The following RBFOX3 variants were observed in gnomAD, a reference collection of about 807,000 sequenced individuals.
RBFOX3 encodes the protein RNA binding protein fox-1 homolog 3.
Under a neutral mutation model 48.7 loss-of-function variants are expected in RBFOX3, and 17 were observed. The ratio of observed to expected loss-of-function variants is 0.35; its 90% CI spans 0.24 to 0.52. RBFOX3 has a LOEUF of 0.52. Ranked by LOEUF, RBFOX3 falls within the 20% of genes least tolerant of loss-of-function variation. The pLI is 0.94. For synonymous variants in RBFOX3, 212 were observed against 209.5 expected (o/e 1.01, Z -0.10); for missense variants, 382 against 497.5 (o/e 0.77, Z 2.21).
chr17:79,386,019 T>C (rs1378627302), intron 2 of RBFOX3, among the ~76,000 whole-genome samples: 3 of 140,610 alleles, frequency 2.1e-5, no homozygotes, highest in Non-Finnish European at 4.5e-5. Flanking sequence ...TTACTTCCTA[T>C]AACAGATGGG....
At chr17:79,450,809 T>C (rs1555741180) in intron 2 of RBFOX3, among the ~76,000 whole-genome samples, 2 of 152,172 alleles carry the variant, frequency 1.3e-5, no homozygotes, top group South Asian at 2.1e-4. Context: ...AATAGCACTG[T>C]GCAAGGTGCT....
intron 2 of RBFOX3, among the ~76,000 whole-genome samples, chr17:79,310,613 C>T (rs1281668403): frequency 7.9e-5 from 12 of 152,132 alleles, no homozygotes; most frequent in Admixed American, 7.2e-4. Flanking sequence ...CGAGGTGGAG[C>T]TCCTGCAGGC....
chr17:79,532,738 A>G (rs1165462553), intron 1 of RBFOX3, among the ~76,000 whole-genome samples: 1 of 152,244 alleles, frequency 6.6e-6, no homozygotes, highest in African/African-American at 2.4e-5. Context: ...TCACATCGCC[A>G]GCATAGTACT....
intron 4 of RBFOX3, among the ~76,000 whole-genome samples, chr17:79,179,354 G>A (rs1021557438): frequency 9.2e-5 from 14 of 152,194 alleles, no homozygotes; most frequent in African/African-American, 2.4e-4. Flanking sequence ...GAAGCCGCTC[G>A]GAAACGCCGC....
At chr17:79,332,236 C>T (rs1355723671) in intron 2 of RBFOX3, among the ~76,000 whole-genome samples, 2 of 152,208 alleles carry the variant, frequency 1.3e-5, no homozygotes, top group Non-Finnish European at 2.9e-5. Flanking sequence ...GAGATCACTC[C>T]AGGCCCTCAG....
intron 1 of RBFOX3, among the ~76,000 whole-genome samples, chr17:79,512,173 G>A (rs377457591): frequency 0.24 from 31,183 of 127,454 alleles, 5,187 homozygotes; most frequent in Non-Finnish European, 0.28. Context: ...ACACCCACCC[G>A]GATACATGTT....
intron 1 of RBFOX3, among the ~76,000 whole-genome samples, chr17:79,485,819 G>A (rs960051375): frequency 6.6e-6 from 1 of 152,218 alleles, no homozygotes; most frequent in African/African-American, 2.4e-5. Context: ...CTCCTCTGCC[G>A]CCGGCTAGGC....
intron 4 of RBFOX3, among the ~76,000 whole-genome samples, chr17:79,221,566 G>A (rs1471968120): frequency 6.6e-6 from 1 of 152,224 alleles, no homozygotes; most frequent in Admixed American, 6.5e-5. Flanking sequence ...TCCCTGGAGG[G>A]TAACTTGGGT....
intron 4 of RBFOX3, among the ~76,000 whole-genome samples, chr17:79,213,176 G>A (rs2058599731): frequency 6.6e-6 from 1 of 152,128 alleles, no homozygotes; most frequent in African/African-American, 2.4e-5. Context: ...ATATTTTAAT[G>A]ACAATGAAAA....
At chr17:79,131,132 G>A (rs1177175153) in intron 4 of RBFOX3, among the ~76,000 whole-genome samples, 1 of 151,008 alleles carries the variant, frequency 6.6e-6, no homozygotes, top group Admixed American at 6.6e-5. Context: ...TGTGTGCTGT[G>A]TGACCCGTGT....
chr17:79,194,951 A>C (rs2055282376), intron 4 of RBFOX3, among the ~76,000 whole-genome samples: 1 of 151,688 alleles, frequency 6.6e-6, no homozygotes, highest in South Asian at 2.1e-4. Context: ...GTGCTGAAGA[A>C]TTAAGCATTT....
chr17:79,363,648 C>T lies in RBFOX3; in HGVS notation c.-174-55824G>A, dbSNP rs2057315685. On this transcript the variant is annotated intron_variant, in intron 2 of 14. Coordinates refer to ENST00000693108, the MANE Select transcript of RBFOX3 (RefSeq NM_001350451.2). The surrounding 1 kb of genome is among the most constrained non-coding windows in gnomAD (Gnocchi z 4.7). ...TCGAAGATCTAGGGCCTTCGATTCC[C>T]TCCTTTCCTTGATGCCAGTATCCAG... 6.6e-6 allele frequency among the ~76,000 whole-genome samples: 1 copy of T among 152,018 alleles called. No homozygotes were observed. The highest frequency in any genetic ancestry group is 2.4e-5 in the African/African-American group (1 of 41,372).
At chr17:79,334,528 G>A (rs1030024175) in intron 2 of RBFOX3, among the ~76,000 whole-genome samples, 1 of 152,152 alleles carries the variant, frequency 6.6e-6, no homozygotes, top group African/African-American at 2.4e-5. Context: ...CCTAGAGATG[G>A]GCTTCTTAAC....
chr17:79,282,579 C>T (rs2070813658), intron 3 of RBFOX3, among the ~76,000 whole-genome samples: 2 of 148,736 alleles, frequency 1.3e-5, no homozygotes, highest in Admixed American at 6.7e-5. Flanking sequence ...GTGGGGTGGG[C>T]AGGGAGGGTC....
At chr17:79,367,545 G>A (rs1439314661) in intron 2 of RBFOX3, among the ~76,000 whole-genome samples, 2 of 152,130 alleles carry the variant, frequency 1.3e-5, no homozygotes, top group Admixed American at 6.5e-5. Context: ...GACAAGAGAA[G>A]ACACACAGTA....
chr17:79,525,673 C>G (rs1326687512), intron 1 of RBFOX3, among the ~76,000 whole-genome samples: 2 of 152,182 alleles, frequency 1.3e-5, no homozygotes, highest in African/African-American at 2.4e-5. Flanking sequence ...GCTGGAATTC[C>G]TTGGGTAGTA....
intron 4 of RBFOX3, among the ~76,000 whole-genome samples, chr17:79,131,975 A>C (rs571905421): frequency 4.3e-4 from 65 of 152,142 alleles, no homozygotes; most frequent in Non-Finnish European, 7.5e-4. Flanking sequence ...ACAAATCATA[A>C]ATAATGTGGC....
At chr17:79,263,343 T>C (rs188601593) in intron 3 of RBFOX3, among the ~76,000 whole-genome samples, 6 of 152,376 alleles carry the variant, frequency 3.9e-5, no homozygotes, top group Non-Finnish European at 8.8e-5. Flanking sequence ...AACGCTGGTA[T>C]TTTACAGGCA....
upstream of RBFOX3, among the ~76,000 whole-genome samples, chr17:79,614,927 AAGG>A (rs1386515061): frequency 2.0e-5 from 3 of 152,210 alleles, no homozygotes; most frequent in Middle Eastern, 3.4e-3. Flanking sequence ...CCCCAGAGAG[AAGG>A]AGGAGGAGGA....
Sources: gnomAD v4.1 joint callset for allele counts (sites outside exome capture counted in the v4.1 genomes callset) on GRCh38, gnomAD v4.1.1 for gene constraint, Gnocchi (gnomAD v3.1) non-coding constraint, MANE v1.5 for transcripts, NCBI Gene and HGNC (gene_info 2026-07-23, HGNC 2026-07-21) for gene names.